The following RSU1 variants were observed in gnomAD, a reference collection of about 807,000 sequenced individuals.
RSU1 encodes the protein rsu-1.
A neutral mutation model predicts 31.1 loss-of-function variants in RSU1; 26 were observed. That is an observed-to-expected ratio of 0.84 (90% CI 0.61 to 1.16). The LOEUF (loss-of-function observed/expected upper bound fraction) is 1.16, where lower values mean the gene tolerates loss of function less well. RSU1 is among the 50% of genes most tolerant of loss of function. The pLI is 0.00. For synonymous variants in RSU1, 164 were observed against 136.3 expected (o/e 1.20, Z -1.41); for missense variants, 320 against 339.1 (o/e 0.94, Z 0.44).
At chr10:16,640,528 C>T (rs1834423188) in intron 8 of RSU1, among the ~76,000 whole-genome samples, 1 of 152,230 alleles carries the variant, frequency 6.6e-6, no homozygotes, top group African/African-American at 2.4e-5. Context: ...TGAACATGGG[C>T]CACTGGGCCT....
chr10:16,617,636 GAT>G (rs1834000527), intron 8 of RSU1, among the ~76,000 whole-genome samples: 1 of 152,142 alleles, frequency 6.6e-6, no homozygotes, highest in South Asian at 2.1e-4. Context: ...TATCAAAACA[GAT>G]ATATAGACCA....
At chr10:16,630,614 G>A (rs1834230766) in intron 8 of RSU1, among the ~76,000 whole-genome samples, 1 of 152,188 alleles carries the variant, frequency 6.6e-6, no homozygotes, top group South Asian at 2.1e-4. Flanking sequence ...CTCCCAGACT[G>A]TCTCTTTGTG....
chr10:16,813,401 T>C (rs1838451668), intron 2 of RSU1, among the ~76,000 whole-genome samples: 1 of 152,144 alleles, frequency 6.6e-6, no homozygotes. Flanking sequence ...CAAAGTAAAG[T>C]TCTTGGTTCA....
intron 2 of RSU1, among the ~76,000 whole-genome samples, chr10:16,784,864 G>C (rs1222565154): frequency 6.6e-6 from 1 of 152,206 alleles, no homozygotes; most frequent in Non-Finnish European, 1.5e-5. Flanking sequence ...TATAATTCAA[G>C]ATGAGATTTG....
Position 16,744,503 on chromosome 10 carries a change from A to G in RSU1, c.598+8036T>C, listed in dbSNP as rs78513002. Among the ~76,000 whole-genome samples the G allele has an allele frequency of 9.0e-3, 1,378 of 152,344 alleles. 18 individuals are homozygous for G. The highest frequency in any genetic ancestry group is 0.032 in the African/African-American group (1,313 of 41,576). On this transcript the variant is annotated intron_variant, in intron 7 of 8. Transcript: ENST00000345264. ...GTTGTCACTTGCAGAGAGGTAGTTTAAGATCTTAATATGGATAAAGAAGTG... is the reference window on the plus strand; with the variant it reads ...GTTGTCACTTGCAGAGAGGTAGTTTGAGATCTTAATATGGATAAAGAAGTG...
intron 7 of RSU1, among the ~76,000 whole-genome samples, chr10:16,747,925 T>C (rs982596732): frequency 4.6e-5 from 7 of 152,112 alleles, no homozygotes; most frequent in Non-Finnish European, 1.5e-5. Flanking sequence ...TCCCAGCTAC[T>C]TGGGAGGCTG....
At chr10:16,599,106 T>TGCATGTACCTG (rs1240931364) in intron 8 of RSU1, among the ~76,000 whole-genome samples, 1 of 152,192 alleles carries the variant, frequency 6.6e-6, no homozygotes, top group Non-Finnish European at 1.5e-5. Flanking sequence ...GCTTGTGTTT[T>TGCATGTACCTG]GCATGTACCT....
intron 8 of RSU1, among the ~76,000 whole-genome samples, chr10:16,667,154 A>G (rs929392700): frequency 1.3e-5 from 2 of 152,168 alleles, no homozygotes; most frequent in African/African-American, 4.8e-5. Flanking sequence ...CCAAGGAGGG[A>G]ACTTATACTT....
chr10:16,814,649 G>A (rs1191621971), intron 2 of RSU1, among the ~76,000 whole-genome samples: 1 of 152,100 alleles, frequency 6.6e-6, no homozygotes. Context: ...AGTTTGCAGA[G>A]AGCAGCCTTG....
chr10:16,669,507 T>C (rs1835067415), intron 8 of RSU1, among the ~76,000 whole-genome samples: 1 of 152,206 alleles, frequency 6.6e-6, no homozygotes, highest in Admixed American at 6.5e-5. Context: ...ATGTCTTCTT[T>C]CCACATCATC....
At chr10:16,650,639 G>A (rs531866611) in intron 8 of RSU1, among the ~76,000 whole-genome samples, 1 of 147,602 alleles carries the variant, frequency 6.8e-6, no homozygotes, top group East Asian at 2.0e-4. Flanking sequence ...GAATACAGTG[G>A]CACAATCTCG....
At chr10:16,610,279 A>T (rs1359185775) in intron 8 of RSU1, among the ~76,000 whole-genome samples, 1 of 152,190 alleles carries the variant, frequency 6.6e-6, no homozygotes, top group Non-Finnish European at 1.5e-5. Context: ...ACTGCACAGC[A>T]GATATAGACA....
intron 3 of RSU1, among the ~76,000 whole-genome samples, chr10:16,778,578 G>A (rs1436513425): frequency 6.6e-6 from 1 of 152,180 alleles, no homozygotes; most frequent in Non-Finnish European, 1.5e-5. Flanking sequence ...GACAGGGAAT[G>A]CCATGCTAGA....
chr10:16,704,974 C>CT (rs58815595), intron 7 of RSU1, among the ~76,000 whole-genome samples: 3,836 of 152,176 alleles, frequency 0.025, 132 homozygotes, highest in East Asian at 0.11. Flanking sequence ...GCCTCCATGA[C>CT]TTTTTTTCAT....
intron 7 of RSU1, among the ~76,000 whole-genome samples, 195 bp from the exon 8 acceptor site, chr10:16,695,350 T>C (rs1835654469): frequency 6.6e-6 from 1 of 151,172 alleles, no homozygotes; most frequent in South Asian, 2.1e-4. Context: ...GCCCCAGAAA[T>C]TAAGAACAAA....
At chr10:16,627,338 C>T (rs568729703) in intron 8 of RSU1, among the ~76,000 whole-genome samples, 65 of 152,228 alleles carry the variant, frequency 4.3e-4, no homozygotes, top group African/African-American at 1.1e-3. Context: ...AAAACAATTA[C>T]GTGTAGAGTA....
chr10:16,652,412 A>T (rs1025805456), intron 8 of RSU1, among the ~76,000 whole-genome samples: 2 of 144,762 alleles, frequency 1.4e-5, no homozygotes, highest in African/African-American at 2.7e-5. Flanking sequence ...AAAAAAAAAA[A>T]CCCGAGAATC....
intron 7 of RSU1, among the ~76,000 whole-genome samples, chr10:16,723,689 C>G (rs80048251): frequency 2.0e-4 from 31 of 152,132 alleles, no homozygotes; most frequent in Non-Finnish European, 3.4e-4. Context: ...CTTCAGATGG[C>G]TTGGCAGGTG....
At chr10:16,673,347 C>T in intron 8 of RSU1, among the ~76,000 whole-genome samples, 1 of 152,200 alleles carries the variant, frequency 6.6e-6, no homozygotes, top group East Asian at 1.9e-4. Context: ...AACAGAGCAG[C>T]TACAAATTTT....
Sources: gnomAD v4.1 joint callset for allele counts (sites outside exome capture counted in the v4.1 genomes callset) on GRCh38, gnomAD v4.1.1 for gene constraint, MANE v1.5 for transcripts, NCBI Gene and HGNC (gene_info 2026-07-23, HGNC 2026-07-21) for gene names.